Variants in DLC1 observed in about 807,000 individuals in gnomAD.
DLC1 encodes DLC1 Rho GTPase activating protein, also known as rho GTPase-activating protein 7.
DLC1 carries 54 observed loss-of-function variants against 140.3 expected under a neutral mutation model. The observed-to-expected ratio is 0.38, with a 90% CI of 0.31 to 0.48. DLC1 has a LOEUF of 0.48. Ranked by LOEUF, DLC1 falls within the 20% of genes least tolerant of loss-of-function variation. DLC1 has a pLI of 0.96. For synonymous variants in DLC1, 986 were observed against 728.1 expected, an observed-to-expected ratio of 1.35 and a Z score of -5.70; for missense variants, 2,536 against 1,907.0, an observed-to-expected ratio of 1.33 and a Z score of -6.14.
chr8:13,101,311 C>T (rs1819069622), intron 8 of DLC1, among the ~76,000 whole-genome samples: 1 of 152,148 alleles, frequency 6.6e-6, no homozygotes, highest in Admixed American at 6.5e-5. Flanking sequence ...TTTATGGAAA[C>T]TCTGGGATCC....
At chr8:13,115,343 C>T (rs1820457603) in intron 6 of DLC1, among the ~76,000 whole-genome samples, 1 of 152,134 alleles carries the variant, frequency 6.6e-6, no homozygotes, top group Non-Finnish European at 1.5e-5. Context: ...AAATGATAGT[C>T]TTCAGCATGC....
At chr8:13,405,917 T>TTTTCTTTCTCTC (rs1554514394) in intron 2 of DLC1, among the ~76,000 whole-genome samples, 1 of 84,904 alleles carries the variant, frequency 1.2e-5, no homozygotes, top group Non-Finnish European at 2.3e-5. Context: ...CTTTCTTTTC[T>TTTTCTTTCTCTC]TTTCTTTCTT....
At chr8:13,351,454 A>C (rs1457330888) in intron 4 of DLC1, among the ~76,000 whole-genome samples, 1 of 152,228 alleles carries the variant, frequency 6.6e-6, no homozygotes, top group Non-Finnish European at 1.5e-5. Flanking sequence ...CCTTCAGCCA[A>C]ATCTGCCATT....
At chr8:13,297,282 T>TAAAAAAAAAAAAAAAAAAAAAAAAAAAA (rs60048506) in intron 5 of DLC1, among the ~76,000 whole-genome samples, 177 of 9,626 alleles carry the variant, frequency 0.018, 70 homozygotes, top group Non-Finnish European at 0.022. Flanking sequence ...CTTCATACAT[T>TAAAAAAAAAAAAAAAAAAAAAAAAAAAA]AAAAAAAAAA....
chr8:13,184,859 C>A (rs915752199), intron 5 of DLC1, among the ~76,000 whole-genome samples: 2 of 152,228 alleles, frequency 1.3e-5, no homozygotes, highest in South Asian at 4.2e-4. Context: ...TCCTTATTAA[C>A]CTTCTGACTC....
rs896725907 is a variant in DLC1, at chr8:13,593,594, C to T, written c.-126+10943G>A. 2.0e-5 allele frequency among the ~76,000 whole-genome samples: 3 copies of T among 151,996 alleles called. No homozygotes were observed. In the East Asian group the frequency reaches 5.8e-4, roughly 29 times the overall value. On this transcript the variant is annotated intron_variant, in intron 1 of 1. Coordinates refer to the DLC1 transcript ENST00000631382. The stretch of plus-strand genomic sequence containing the variant: ...TGTGTTCCTTGAATAACAAAGAAAC[C>T]TTTGTTGTATTGAGTCACTTAGCTT...
intron 5 of DLC1, among the ~76,000 whole-genome samples, chr8:13,151,900 T>C (rs557030522): frequency 6.7e-6 from 1 of 150,100 alleles, no homozygotes; most frequent in Non-Finnish European, 1.5e-5. Flanking sequence ...TAAGGCTGCA[T>C]AATGTATGTT....
intron 5 of DLC1, among the ~76,000 whole-genome samples, chr8:13,127,627 G>A (rs558662352): frequency 6.6e-6 from 1 of 152,322 alleles, no homozygotes; most frequent in South Asian, 2.1e-4. Context: ...TGGCTGTGGG[G>A]CAGCACCGTG....
intron 5 of DLC1, among the ~76,000 whole-genome samples, chr8:13,249,119 C>T (rs999971820): frequency 6.6e-6 from 1 of 152,184 alleles, no homozygotes. Context: ...TCTTGTTGCC[C>T]AGGCTGGAGT....
intron 4 of DLC1, chr8:13,341,228 G>A (rs951126041): frequency 2.0e-5 from 3 of 152,136 alleles, no homozygotes; most frequent in Admixed American, 1.3e-4. Flanking sequence ...AAGACCTCAC[G>A]AAACTGCAAA....
intron 1 of DLC1, among the ~76,000 whole-genome samples, chr8:13,548,127 C>T (rs1251554246): frequency 1.3e-5 from 2 of 151,980 alleles, no homozygotes; most frequent in Non-Finnish European, 2.9e-5. Flanking sequence ...ATGCCGAGAA[C>T]ATAGTAAGAA....
In DLC1 at chr8:13,417,623, G is replaced by T. The variant is rs184063461; in HGVS notation, c.1024-16004C>A. 2.6e-5 allele frequency among the ~76,000 whole-genome samples: 4 copies of T among 151,968 alleles called. No homozygotes were observed. The South Asian group carries it at 8.3e-4, about 31-fold the overall frequency. On this transcript the variant is annotated intron_variant, in intron 2 of 17. Transcript: ENST00000276297. ...TCCAGTCTATGATTGTTGGACATTT[G>T]TGTTGGTTCCAAGTCTTTGCTATTG... is the stretch of plus-strand genomic sequence containing the variant.
intron 12 of DLC1, among the ~76,000 whole-genome samples, chr8:13,093,638 T>G (rs1222867532): frequency 6.6e-6 from 1 of 152,186 alleles, no homozygotes; most frequent in Non-Finnish European, 1.5e-5. Context: ...TAGGACAAAC[T>G]GATTAAACAG....
At chr8:13,567,551 A>G (rs1563445961) in intron 1 of DLC1, 1 of 1,549,708 alleles carries the variant, frequency 6.5e-7, no homozygotes, top group East Asian at 2.4e-5. Context: ...ACGCCAAAAC[A>G]GGAGGCAGCA....
At chr8:13,550,034 G>T (rs1183994487) in intron 1 of DLC1, among the ~76,000 whole-genome samples, 1 of 152,112 alleles carries the variant, frequency 6.6e-6, no homozygotes, top group African/African-American at 2.4e-5. Context: ...GAGACTCCCA[G>T]ACTCTAGTCT....
At chr8:13,402,956 T>C (rs1220906119) in intron 2 of DLC1, among the ~76,000 whole-genome samples, 3 of 152,224 alleles carry the variant, frequency 2.0e-5, no homozygotes, top group Non-Finnish European at 2.9e-5. Context: ...ACATGTCGGA[T>C]AATTGGTTAA....
At position 13,382,101 on chromosome 8, in the gene DLC1, T is replaced by G. The variant is rs539232853; in HGVS notation, c.1314+11452A>C. Among the ~76,000 whole-genome samples the G allele has an allele frequency of 2.2e-4, 33 of 152,194 alleles. 1 individual carries two copies. Among genetic ancestry groups the G allele is most frequent in the Admixed American group, 2.0e-3 (31 of 15,282 alleles). Reference sequence around the variant, plus strand: ...AGAGGAAAAAATTTAGCAATATTGTTGTGTGTGGTAATGTAGAAAGTAAAA... The same window carrying G: ...AGAGGAAAAAATTTAGCAATATTGTGGTGTGTGGTAATGTAGAAAGTAAAA... On this transcript the variant is annotated intron_variant, in intron 4 of 17. Coordinates refer to ENST00000276297, the MANE Select transcript of DLC1 (RefSeq NM_182643.3).
intron 5 of DLC1, among the ~76,000 whole-genome samples, chr8:13,191,921 G>C (rs1435968917): frequency 3.1e-5 from 4 of 127,480 alleles, no homozygotes; most frequent in Non-Finnish European, 4.8e-5. Context: ...TAAGGGGAGT[G>C]GCCTGATTAT....
At chr8:13,478,645 A>G (rs758664982) in intron 2 of DLC1, among the ~76,000 whole-genome samples, 1 of 152,208 alleles carries the variant, frequency 6.6e-6, no homozygotes, top group Non-Finnish European at 1.5e-5. Flanking sequence ...GTTCAAGGCT[A>G]TCACCGCTAG....
Sources: allele counts gnomAD v4.1 joint callset (sites outside exome capture counted in the v4.1 genomes callset), GRCh38; gene constraint gnomAD v4.1.1; transcripts MANE v1.5; gene names NCBI Gene and HGNC (gene_info 2026-07-23, HGNC 2026-07-21).